PRDM5: variants seen among roughly 807,000 people sequenced by gnomAD.
PRDM5 encodes the protein PR/SET domain 5.
In PRDM5, 56 loss-of-function variants were observed where a neutral mutation model predicts 81.2. The ratio of observed to expected loss-of-function variants is 0.69; its 90% CI spans 0.56 to 0.86. PRDM5 has a LOEUF of 0.86. Ranked by LOEUF, PRDM5 falls within the 40% of genes least tolerant of loss-of-function variation. PRDM5 has a pLI of 0.00. For missense variants in PRDM5, 697 were observed against 770.1 expected, an observed-to-expected ratio of 0.91 and a Z score of 1.12; for synonymous variants, 267 against 256.4, an observed-to-expected ratio of 1.04 and a Z score of -0.39.
At position 120,853,482 on chromosome 4, in the gene PRDM5, G is replaced by C. The variant is rs201325904; in HGVS notation, c.236C>G (p.Ser79Cys). The change falls in exon 3 of 16, where the codon TCC (serine) becomes TGC (cysteine). Residue 79 changes from serine (S) to cysteine (C), a missense_variant. Coordinates refer to ENST00000264808, the MANE Select transcript of PRDM5 (RefSeq NM_018699.4). Reference sequence around the variant, plus strand: ...CTCATGAACGAAGCGAAGCCAGTTGGAGTGCCGTGGGTTGGTAGCATCCAA... The same window carrying C: ...CTCATGAACGAAGCGAAGCCAGTTGCAGTGCCGTGGGTTGGTAGCATCCAA... ...YILDATNPRH[S>C]NWLRFVHEAP... 60 of 1,613,820 alleles carry C rather than the reference G, an allele frequency of 3.7e-5. No individual in the cohort carries two copies. In the African/African-American group the frequency reaches 6.8e-4, roughly 18 times the overall value.
At chr4:120,747,551 T>G (rs1429421946) in intron 14 of PRDM5, among the ~76,000 whole-genome samples, 1 of 152,152 alleles carries the variant, frequency 6.6e-6, no homozygotes, top group Non-Finnish European at 1.5e-5. Flanking sequence ...GTCTGATACC[T>G]AGGAACTCTG....
chr4:120,860,508 T>C (rs191214990), intron 2 of PRDM5, among the ~76,000 whole-genome samples: 46 of 152,330 alleles, frequency 3.0e-4, no homozygotes, highest in African/African-American at 1.1e-3. Context: ...TCCTTTTCTA[T>C]AGTTTTACGA....
At chr4:120,776,086 G>T (rs189454537) in intron 13 of PRDM5, among the ~76,000 whole-genome samples, 14 of 152,150 alleles carry the variant, frequency 9.2e-5, no homozygotes, top group East Asian at 1.9e-4. Flanking sequence ...TGCAACACTT[G>T]ATCCTAAAAG....
chr4:120,868,487 G>T (rs752802835), intron 2 of PRDM5, among the ~76,000 whole-genome samples: 25 of 152,052 alleles, frequency 1.6e-4, no homozygotes, highest in Admixed American at 3.3e-4. Context: ...TTGGATTTCA[G>T]ATTTCTAGAT....
At chr4:120,918,635 A>ATTTTTTTT (rs534148936) in intron 1 of PRDM5, among the ~76,000 whole-genome samples, 2 of 110,728 alleles carry the variant, frequency 1.8e-5, no homozygotes, top group Admixed American at 1.0e-4. Flanking sequence ...TACGTCAGGT[A>ATTTTTTTT]TTTTTTTTTT....
rs4833676 is a variant in PRDM5, at chr4:120,799,786, C to G, written c.946-41G>C. On this transcript the variant is annotated intron_variant, in intron 8 of 15. Coordinates refer to ENST00000264808, the MANE Select transcript of PRDM5 (RefSeq NM_018699.4). ...TAGACAGTTAAATCAACTGTCAAAG[C>G]CTAGTAAATTACACAGCTCTCAAGC... 478,511 of 1,597,148 alleles carry G rather than the reference C, an allele frequency of 0.3. 74,477 individuals carry two copies. The highest frequency in any genetic ancestry group is 0.36 in the East Asian group (16,216 of 44,486).
chr4:120,685,903 T>C (rs1180910196), intron 1 of PRDM5, among the ~76,000 whole-genome samples: 1 of 152,054 alleles, frequency 6.6e-6, no homozygotes, highest in African/African-American at 2.4e-5. Flanking sequence ...ATCCCCTATG[T>C]TGGAGGTGGA....
intron 10 of PRDM5, among the ~76,000 whole-genome samples, chr4:120,797,206 T>C (rs112607370): frequency 1.3e-5 from 2 of 152,146 alleles, no homozygotes; most frequent in Admixed American, 1.3e-4. Flanking sequence ...GTTTTAGGTA[T>C]GGTTAATGCA....
chr4:120,741,219 C>T (rs565391628), intron 14 of PRDM5, among the ~76,000 whole-genome samples: 1 of 152,240 alleles, frequency 6.6e-6, no homozygotes, highest in African/African-American at 2.4e-5. Flanking sequence ...TGCATATCCT[C>T]TATACGATGC....
chr4:120,791,002 T>C (rs1452188363), intron 10 of PRDM5, among the ~76,000 whole-genome samples: 1 of 152,170 alleles, frequency 6.6e-6, no homozygotes, highest in Non-Finnish European at 1.5e-5. Flanking sequence ...ACTGATAAAA[T>C]GTAATGAGAA....
In PRDM5 at chr4:120,722,709, C is replaced by T. The variant is rs562122530; in HGVS notation, c.1624-12296G>A. Among the ~76,000 whole-genome samples, 10 of 152,210 alleles carry T rather than the reference C, an allele frequency of 6.6e-5. 1 individual carries two copies. Among genetic ancestry groups the T allele is most frequent in the South Asian group, 6.2e-4 (3 of 4,830 alleles). On this transcript the variant is annotated intron_variant, in intron 14 of 15. Transcript: ENST00000264808. ...AACCAATGACAGCAATTCCACTTCC[C>T]GTGCAGTGATGGGTTTAGCTTAGAG...
intron 14 of PRDM5, among the ~76,000 whole-genome samples, chr4:120,718,850 C>CA (rs1578464649): frequency 6.6e-6 from 1 of 152,130 alleles, no homozygotes; most frequent in East Asian, 1.9e-4. Context: ...GACTTGTAAA[C>CA]AAAAAAGGCT....
At chr4:120,688,023 T>C (rs571378432), downstream of PRDM5, among the ~76,000 whole-genome samples, 65 of 152,308 alleles carry the variant, frequency 4.3e-4, no homozygotes, top group Admixed American at 7.9e-4. Context: ...TGCTGGATCA[T>C]ACGGTCTTTT....
chr4:120,787,311 G>A (rs1264488205), intron 10 of PRDM5, among the ~76,000 whole-genome samples: 1 of 152,176 alleles, frequency 6.6e-6, no homozygotes, highest in Non-Finnish European at 1.5e-5. Context: ...GAGAGATGCA[G>A]TCAGAAGAAT....
intron 8 of PRDM5, among the ~76,000 whole-genome samples, chr4:120,806,722 G>A (rs4572900): frequency 0.4 from 61,094 of 151,492 alleles, 12,386 homozygotes; most frequent in East Asian, 0.49. Context: ...AGACTTAAAT[G>A]TTAGACCTAA....
At chr4:120,840,205 G>T (rs980146161) in intron 3 of PRDM5, among the ~76,000 whole-genome samples, 2 of 152,194 alleles carry the variant, frequency 1.3e-5, no homozygotes. Context: ...CAGGGCTCCA[G>T]GTTCTCGCCG....
chr4:120,803,163 A>T lies in PRDM5; in HGVS notation c.946-3418T>A, dbSNP rs555265504. 1.1e-4 allele frequency among the ~76,000 whole-genome samples: 17 copies of T among 152,340 alleles called. 1 individual carries two copies. In the South Asian group the frequency reaches 3.5e-3, roughly 32 times the overall value. On this transcript the variant is annotated intron_variant, in intron 8 of 15. Coordinates refer to ENST00000264808, the MANE Select transcript of PRDM5 (RefSeq NM_018699.4). ...GAGAAGGAAAGTTTAGAGAAAAAAG[A>T]ATAAAAAGAAACGAACGAAGCCTCC...
At chr4:120,718,115 G>C (rs935254196) in intron 14 of PRDM5, among the ~76,000 whole-genome samples, 1 of 152,180 alleles carries the variant, frequency 6.6e-6, no homozygotes, top group Admixed American at 6.5e-5. Flanking sequence ...TAGCTCCTCT[G>C]TGGTTATATC....
chr4:120,741,344 C>T (rs1741907749), intron 14 of PRDM5, among the ~76,000 whole-genome samples: 1 of 151,984 alleles, frequency 6.6e-6, no homozygotes, highest in Non-Finnish European at 1.5e-5. Context: ...CTTTTTCCTT[C>T]AACATCATGC....
Sources: gnomAD v4.1 joint callset for allele counts (sites outside exome capture counted in the v4.1 genomes callset) on GRCh38, gnomAD v4.1.1 for gene constraint, MANE v1.5 for transcripts, NCBI Gene and HGNC (gene_info 2026-07-23, HGNC 2026-07-21) for gene names.